ARHGAP30: variants seen among roughly 807,000 people sequenced by gnomAD.
The protein encoded by ARHGAP30 is Rho GTPase activating protein 30.
In ARHGAP30, 23 loss-of-function variants were observed where a neutral mutation model predicts 72.0. The observed-to-expected ratio is 0.32, with a 90% CI of 0.23 to 0.45. The LOEUF (loss-of-function observed/expected upper bound fraction) is 0.45. Among genes scored for constraint, ARHGAP30 ranks in the 20% least tolerant of loss-of-function variants. The pLI, the probability that ARHGAP30 is intolerant of heterozygous loss-of-function variation, is 1.00. For synonymous variants in ARHGAP30, 576 were observed against 528.2 expected, an observed-to-expected ratio of 1.09 and a Z score of -1.24; for missense variants, 1,319 against 1,383.4, an observed-to-expected ratio of 0.95 and a Z score of 0.74.
chr1:161,066,598 TGGTTG>T (rs1471088001), intron 1 of ARHGAP30, among the ~76,000 whole-genome samples: 3 of 129,720 alleles, frequency 2.3e-5, no homozygotes, highest in African/African-American at 9.1e-5. Flanking sequence ...TAAGCCAAGA[TGGTTG>T]TGCTGCACTC....
At chr1:161,061,948 C>T (rs552809886) in intron 1 of ARHGAP30, among the ~76,000 whole-genome samples, 4 of 152,112 alleles carry the variant, frequency 2.6e-5, no homozygotes, top group Admixed American at 6.5e-5. Flanking sequence ...ATTAGCCGGG[C>T]GTGGCAGCGC....
chr1:161,055,936 AAATATAAAATAAAATAAAAT>A (rs1367069802), intron 3 of ARHGAP30, among the ~76,000 whole-genome samples: 11 of 24,210 alleles, frequency 4.5e-4, no homozygotes, highest in South Asian at 3.6e-3. Context: ...AAAATAAAAT[AAATATAAAATAAAATAAAAT>A]ACCAAAGATG....
intron 1 of ARHGAP30, among the ~76,000 whole-genome samples, 171 bp from the exon 2 acceptor site, chr1:161,059,887 T>G (rs1652185506): frequency 6.6e-6 from 1 of 152,198 alleles, no homozygotes; most frequent in Admixed American, 6.5e-5. Context: ...CCAACCCCTC[T>G]ACAGTATCTC....
At position 161,047,533 on chromosome 1, in the gene ARHGAP30, G is replaced by A; in HGVS notation, c.*182C>T. Reference sequence around the variant, plus strand: ...CCTAAGAGATAAGTGCTTTGTGTCGGAGACAAGTTCAGGTAAACCAACCAA... The same window carrying A: ...CCTAAGAGATAAGTGCTTTGTGTCGAAGACAAGTTCAGGTAAACCAACCAA... On this transcript the variant is annotated 3_prime_UTR_variant, in exon 12 of 12. Coordinates refer to ENST00000368013, the MANE Select transcript of ARHGAP30 (RefSeq NM_001025598.2). 2.0e-6 allele frequency: 1 copy of A among 490,094 alleles called. No homozygotes were observed. 30.4% of individuals were successfully genotyped at this position (490,094 alleles called of 1,614,324 possible). A position where few individuals can be genotyped will look rare whatever the true frequency, so the allele number is the denominator to read the frequency against.
rs775137758 is a variant in ARHGAP30, at chr1:161,047,841, A to G, written c.3180T>C (p.Ser1060=). The change falls in exon 12 of 12, where the codon TCT becomes TCC. Residue 1060 remains serine (S), a synonymous_variant. Coordinates refer to ENST00000368013, the MANE Select transcript of ARHGAP30 (RefSeq NM_001025598.2). ...LELPSEGAEG[S]GSRSRLSLPP... ...GCAGACTAAGACGACTCCGGGATCC[A>G]GACCCTTCTGCACCTTCAGATGGGA... The G allele has an allele frequency of 5.0e-6, 8 of 1,611,582 alleles. No homozygotes were observed. The highest frequency in any genetic ancestry group is 1.7e-5 in the Admixed American group (1 of 59,428).
chr1:161,064,812 A>C (rs1007516339), intron 1 of ARHGAP30, among the ~76,000 whole-genome samples: 14 of 71,070 alleles, frequency 2.0e-4, no homozygotes, highest in Non-Finnish European at 3.4e-4. Context: ...AGAAAGAAAG[A>C]AAGAAAGAAA....
Position 161,048,087 on chromosome 1 carries a change from C to T in ARHGAP30, c.2934G>A (p.Arg978=). Residue 978 remains arginine, a synonymous_variant, in exon 12 of 12, where the codon AGG becomes AGA. Transcript: ENST00000368013. ...PGRLDGTPGE[R]AWGSRASRSS... is the part of the protein sequence containing the mutation. Reference sequence around the variant, plus strand: ...ATCGAGAAGCTCGGGACCCCCAAGCCCTTTCTCCAGGAGTCCCATCAAGCC... The same window carrying T: ...ATCGAGAAGCTCGGGACCCCCAAGCTCTTTCTCCAGGAGTCCCATCAAGCC... The T allele has an allele frequency of 6.2e-7, 1 of 1,614,182 alleles. No homozygotes were observed.
chr1:161,047,662 CT>C lies in ARHGAP30; in HGVS notation c.*52del. 6.7e-7 allele frequency: 1 copy of C among 1,488,070 alleles called. No homozygotes were observed. 92.2% of individuals were successfully genotyped at this position (1,488,070 alleles called of 1,614,324 possible). On this transcript the variant is annotated 3_prime_UTR_variant, in exon 12 of 12. Coordinates refer to ENST00000368013, the MANE Select transcript of ARHGAP30 (RefSeq NM_001025598.2). The stretch of plus-strand genomic sequence containing the variant: ...CAGAGGAGACAGCTAGTCAGGAACC[CT>C]GGAGATTCAAGACAACTTGCTGGTC...
At chr1:161,050,598 C>T (rs1339369258) in intron 10 of ARHGAP30, among the ~76,000 whole-genome samples, 4 of 151,296 alleles carry the variant, frequency 2.6e-5, no homozygotes, top group East Asian at 3.9e-4. Flanking sequence ...TGTGAGCCAC[C>T]GTGCCTGGCC....
chr1:161,066,574 G>T (rs1021490123), intron 1 of ARHGAP30, among the ~76,000 whole-genome samples: 2 of 144,734 alleles, frequency 1.4e-5, no homozygotes, highest in Non-Finnish European at 3.0e-5. Context: ...GAACCCTGGA[G>T]GTCGAGGTTG....
chr1:161,059,513 G>T, intron 2 of ARHGAP30, 101 bp downstream of exon 2: 3 of 961,948 alleles, frequency 3.1e-6, no homozygotes, highest in Non-Finnish European at 1.6e-6. Flanking sequence ...TCTCCCCACT[G>T]CCTCTCACTC....
intron 6 of ARHGAP30, 102 bp from the exon 7 acceptor site, chr1:161,052,899 A>G: frequency 7.2e-7 from 1 of 1,397,226 alleles, no homozygotes; most frequent in Non-Finnish European, 9.7e-7. Context: ...GGTTAGGGAT[A>G]TATTCAGAAG....
intron 5 of ARHGAP30, 76 bp from the exon 6 acceptor site, chr1:161,053,461 A>ATT: frequency 1.2e-6 from 1 of 805,638 alleles, no homozygotes; most frequent in Non-Finnish European, 1.8e-6. Flanking sequence ...AAAATACCTT[A>ATT]TTCTCTCTCT....
intron 3 of ARHGAP30, 115 bp downstream of exon 3, chr1:161,056,273 G>T: frequency 1.4e-6 from 2 of 1,403,128 alleles, no homozygotes; most frequent in Non-Finnish European, 1.9e-6. Flanking sequence ...TTTTTCTGTG[G>T]TCTCTGTCAT....
Position 161,052,417 on chromosome 1 carries a change from TCCC to T in ARHGAP30, c.940+20_940+22del. 1 of 1,612,916 alleles carries T rather than the reference TCCC, an allele frequency of 6.2e-7. No individual in the cohort carries two copies. Among genetic ancestry groups the T allele is most frequent in the Non-Finnish European group, 8.5e-7 (1 of 1,179,690 alleles). ...GGGCCTTGTGCACCCTCAGCAGAGC[TCCC>T]CCCATCTCCCCAGACTTACCCCTGT... On this transcript the variant is annotated intron_variant, in intron 8 of 11. Transcript: ENST00000368013.
Position 161,052,607 on chromosome 1 carries a change from C to T in ARHGAP30, c.836+19G>A, listed in dbSNP as rs943989655. The T allele has an allele frequency of 1.2e-6, 2 of 1,613,646 alleles. No homozygotes were observed. Among genetic ancestry groups the T allele is most frequent in the Non-Finnish European group, 1.7e-6 (2 of 1,179,812 alleles). On this transcript the variant is annotated intron_variant, in intron 7 of 11. Transcript: ENST00000368013. Reference sequence around the variant, plus strand: ...TGAAGGTCGGTGCAGGGGAGGAAGGCCCAGGAAGGAGGCCTTACTTGTGCT... The same window carrying T: ...TGAAGGTCGGTGCAGGGGAGGAAGGTCCAGGAAGGAGGCCTTACTTGTGCT...
In ARHGAP30 at chr1:161,048,503, T is replaced by C; in HGVS notation, c.2518A>G (p.Ser840Gly). Residue 840 changes from serine (S) to glycine (G), a missense_variant, in exon 12 of 12, where the codon AGT (serine) becomes GGT (glycine). By Grantham distance (56) the Ser-to-Gly change is moderately conservative (BLOSUM62 0). Transcript: ENST00000368013. The part of the protein sequence containing the change: ...GAGEVSKERE[S>G]GDGEAEGDQR... ...TCTCCCTCAGCCTCTCCATCCCCAC[T>C]CTCCCGTTCCTTGCTGACCTCCCCT... 1 of 1,614,000 alleles carries C rather than the reference T, an allele frequency of 6.2e-7. No individual in the cohort carries two copies. Among genetic ancestry groups the C allele is most frequent in the Non-Finnish European group, 8.5e-7 (1 of 1,180,000 alleles).
intron 5 of ARHGAP30, among the ~76,000 whole-genome samples, chr1:161,054,094 ACTG>A (rs1473994893): frequency 6.6e-6 from 1 of 152,104 alleles, no homozygotes; most frequent in Non-Finnish European, 1.5e-5. Context: ...TTGATATGGA[ACTG>A]TTATGTTCCA....
At chr1:161,060,239 C>T (rs557855925) in intron 1 of ARHGAP30, 66 of 451,982 alleles carry the variant, frequency 1.5e-4, no homozygotes, top group South Asian at 8.7e-4. Flanking sequence ...CGCACTCTGG[C>T]CTGCTGGGTA....
Sources: allele counts gnomAD v4.1 joint callset (sites outside exome capture counted in the v4.1 genomes callset), GRCh38; gene constraint gnomAD v4.1.1; transcripts MANE v1.5; gene names NCBI Gene and HGNC (gene_info 2026-07-23, HGNC 2026-07-21).